The following EIF4G1 variants were observed in gnomAD, a reference collection of about 807,000 sequenced individuals.
EIF4G1 encodes the protein EIF4-gamma.
A neutral mutation model predicts 187.8 loss-of-function variants in EIF4G1; 4 were observed. The observed-to-expected ratio is 0.02, with a 90% CI of 0.01 to 0.05. EIF4G1 has a LOEUF of 0.05. Among genes scored for constraint, EIF4G1 ranks in the 10% least tolerant of loss-of-function variants. The probability of loss-of-function intolerance (pLI) is 1.00; values close to 1 mark genes in which losing one functional copy is unlikely to be tolerated. For missense variants in EIF4G1, 1,647 were observed against 2,081.1 expected, an observed-to-expected ratio of 0.79 and a Z score of 4.06; for synonymous variants, 844 against 781.4, an observed-to-expected ratio of 1.08 and a Z score of -1.34.
At position 184,334,166 on chromosome 3, in the gene EIF4G1, G is replaced by A. The variant is rs528177860; in HGVS notation, c.4619-561G>A. Among the ~76,000 whole-genome samples, 2 of 152,096 alleles carry A rather than the reference G, an allele frequency of 1.3e-5. No individual in the cohort carries two copies. The highest frequency in any genetic ancestry group is 1.9e-4 in the East Asian group (1 of 5,192). ...TAGGGGTTGAGGAGAAAGAGGGCCC[G>A]AACAGGTGATGCTTGAGTTGAGTCC... On this transcript the variant is annotated intron_variant, in intron 32 of 32. Transcript: ENST00000346169. The surrounding 1 kb of genome is among the most constrained non-coding windows in gnomAD (Gnocchi z 5.8).
rs1253502298 is a variant in EIF4G1, at chr3:184,334,703, A to C, written c.4619-24A>C. The C allele has an allele frequency of 1.9e-6, 3 of 1,613,868 alleles. No homozygotes were observed. The highest frequency in any genetic ancestry group is 2.5e-6 in the Non-Finnish European group (3 of 1,179,974). On this transcript the variant is annotated intron_variant, in intron 32 of 32. Transcript: ENST00000346169. This position sits in a 1 kb window ranked among gnomAD's most constrained non-coding sequence, Gnocchi z 5.8. ...GGGGTGGCGGTGGCCAGTCACCTCT[A>C]ACTGCTGTCCCGCCTGCTTGCAGAC...
At chr3:184,316,018 G>C in intron 3 of EIF4G1, 114 bp from the exon 4 acceptor site, 1 of 1,546,268 alleles carries the variant, frequency 6.5e-7, no homozygotes, top group Non-Finnish European at 8.7e-7. Context: ...ACGGGGAGGG[G>C]GTATGTGGAT....
At chr3:184,329,251 C>G in intron 28 of EIF4G1, 1 of 512,506 alleles carries the variant, frequency 2.0e-6, no homozygotes, top group South Asian at 2.1e-5. Context: ...ATTCATTGAA[C>G]TAGGGTTTTG....
rs909294473 is a variant in EIF4G1 at position 184,316,168 on chromosome 3, T to G, written c.97T>G (p.Phe33Val). 13 of 1,613,936 alleles carry G rather than the reference T, an allele frequency of 8.1e-6. No individual in the cohort carries two copies. The highest frequency in any genetic ancestry group is 1.1e-5 in the Non-Finnish European group (13 of 1,180,008). Reference sequence around the variant, plus strand: ...CCCGGGGCAGACAGCGCCGGTGGTGTTCAGTACGCCACAAGCGACACAAAT... The same window carrying G: ...CCCGGGGCAGACAGCGCCGGTGGTGGTCAGTACGCCACAAGCGACACAAAT... ...FPPGQTAPVV[F>V]STPQATQMNT... is the part of the protein sequence containing the mutation. The change falls in exon 4 of 33, where the codon TTC (phenylalanine) becomes GTC (valine). Residue 33 changes from phenylalanine to valine, a missense_variant. Physicochemically the swap from Phe to Val is conservative, Grantham distance 50 (BLOSUM62 -1). Around this residue, in one of 11 missense-constraint regions of EIF4G1, gnomAD observed 61 missense variants for 49.5 expected, o/e 1.23. Transcript: ENST00000346169.
At chr3:184,328,072 T>C (rs941088974) in intron 26 of EIF4G1, 70 bp downstream of exon 26, 41 of 1,561,560 alleles carry the variant, frequency 2.6e-5, no homozygotes, top group Admixed American at 8.3e-5. Flanking sequence ...TTGGGACCCT[T>C]GGAACCTTGC....
rs1025341190 is a variant in EIF4G1 at position 184,322,927 on chromosome 3, A to G, written c.1902A>G (p.Pro634=). The change falls in exon 13 of 33, where the codon CCA becomes CCG. Residue 634 remains proline, a synonymous_variant. Coordinates refer to ENST00000346169, the MANE Select transcript of EIF4G1 (RefSeq NM_198241.3). ...GTATGCAGAAGCCAGAGGGATTGCC[A>G]CATATCAGTGACGTGGTGCTGGACA... ...FASMQKPEGL[P]HISDVVLDKA... 4 of 1,614,082 alleles carry G rather than the reference A, an allele frequency of 2.5e-6. No individual in the cohort carries two copies. In the African/African-American group the frequency reaches 5.3e-5, roughly 22 times the overall value.
At position 184,328,010 on chromosome 3, in the gene EIF4G1, C is replaced by T. The variant is rs752949844; in HGVS notation, c.3953+8C>T. On this transcript the variant is annotated splice_region_variant and intron_variant, in intron 26 of 32. Coordinates refer to ENST00000346169, the MANE Select transcript of EIF4G1 (RefSeq NM_198241.3). ...TGCTCAGTACTACCAAGGGTATGACCAGCTTCTCTGGGCCTCCCACTTATA... is the reference window on the plus strand; with the variant it reads ...TGCTCAGTACTACCAAGGGTATGACTAGCTTCTCTGGGCCTCCCACTTATA... 8.9e-5 allele frequency: 142 copies of T among 1,603,618 alleles called. 1 individual carries two copies. The highest frequency in any genetic ancestry group is 1.1e-4 in the Non-Finnish European group (124 of 1,179,966).
intron 32 of EIF4G1, among the ~76,000 whole-genome samples, chr3:184,333,271 T>C (rs1217806134): frequency 6.6e-6 from 1 of 152,064 alleles, no homozygotes; most frequent in Non-Finnish European, 1.5e-5. Context: ...TCAAGTTGAG[T>C]TGTGGTCCTT....
At position 184,323,335 on chromosome 3, in the gene EIF4G1, C is replaced by T. The variant is rs577707848; in HGVS notation, c.2089-73C>T. 9.9e-6 allele frequency: 16 copies of T among 1,610,860 alleles called. No individual in the cohort carries two copies. The highest frequency in any genetic ancestry group is 3.3e-5 in the South Asian group (3 of 90,878). ...CGCGGGGAGGGGTTTGCCCTGGAGG[C>T]GTGTAGTAGTGGTGTCACATATTGT... On this transcript the variant is annotated intron_variant, in intron 14 of 32. Coordinates refer to ENST00000346169, the MANE Select transcript of EIF4G1 (RefSeq NM_198241.3). The surrounding 1 kb of genome is among the most constrained non-coding windows in gnomAD (Gnocchi z 6.9).
chr3:184,321,175 A>G (rs974022349), intron 9 of EIF4G1, 107 bp from the exon 10 acceptor site: 1 of 1,526,720 alleles, frequency 6.5e-7, no homozygotes, highest in African/African-American at 1.4e-5. Context: ...TGGGGAGAAG[A>G]TGATGCGGGG....
At chr3:184,327,085 G>C (rs1725074101) in intron 23 of EIF4G1, 102 bp downstream of exon 23, 1 of 1,576,150 alleles carries the variant, frequency 6.3e-7, no homozygotes, top group South Asian at 1.1e-5. Flanking sequence ...GTCCTGGTTG[G>C]AGCCCTTGGG....
chr3:184,321,094 G>A, intron 9 of EIF4G1, 101 bp downstream of exon 9: 1 of 1,515,212 alleles, frequency 6.6e-7, no homozygotes. Context: ...AGAGAATGAT[G>A]ACTTAGATTT....
Position 184,322,832 on chromosome 3 carries a change from C to T in EIF4G1, c.1807C>T (p.Pro603Ser). ...TGTTTTCCTTGCAGATCAGTGGAAGCCTCTAAACCTAGAGGAGAAAAAACG... is the reference window on the plus strand; with the variant it reads ...TGTTTTCCTTGCAGATCAGTGGAAGTCTCTAAACCTAGAGGAGAAAAAACG... Reference protein sequence around the residue: ...KYEYKSDQWKPLNLEEKKRYD... With the variant: ...KYEYKSDQWKSLNLEEKKRYD... The change falls in exon 13 of 33, where the codon CCT becomes TCT. Residue 603 changes from proline (P) to serine (S), a missense_variant. Transcript: ENST00000346169. 6.2e-7 allele frequency: 1 copy of T among 1,614,176 alleles called. No individual in the cohort carries two copies. The highest frequency in any genetic ancestry group is 8.5e-7 in the Non-Finnish European group (1 of 1,180,040).
rs1726856577 is a variant in EIF4G1 at position 184,334,983 on chromosome 3, G to A, written c.*75G>A. 2.5e-6 allele frequency: 4 copies of A among 1,583,086 alleles called. No homozygotes were observed. On this transcript the variant is annotated 3_prime_UTR_variant, in exon 33 of 33. Coordinates refer to ENST00000346169, the MANE Select transcript of EIF4G1 (RefSeq NM_198241.3). This position sits in a 1 kb window ranked among gnomAD's most constrained non-coding sequence, Gnocchi z 5.8. The stretch of plus-strand genomic sequence containing the variant: ...GGCTAGCCGCCTGGACTGCAGGGGG[G>A]CGGCAGCAGCGGCGGTGGCAGTGGG...
At chr3:184,316,011 G>T in intron 3 of EIF4G1, 121 bp from the exon 4 acceptor site, 1 of 1,538,662 alleles carries the variant, frequency 6.5e-7, no homozygotes, top group Non-Finnish European at 8.8e-7. Context: ...GGCTGTCACG[G>T]GGAGGGGGTA....
chr3:184,328,163 T>C, intron 26 of EIF4G1, 161 bp downstream of exon 26: 1 of 785,716 alleles, frequency 1.3e-6, no homozygotes, highest in Non-Finnish European at 2.1e-6. Flanking sequence ...GTGGGTTGGA[T>C]TCCTTAGAGG....
chr3:184,329,398 C>T (rs1163228161), intron 28 of EIF4G1, among the ~76,000 whole-genome samples: 5 of 152,098 alleles, frequency 3.3e-5, no homozygotes, highest in African/African-American at 7.3e-5. Context: ...TTTGAGAGGC[C>T]GACGTGGGTG....
At chr3:184,331,105 G>A (rs1726009270) in intron 28 of EIF4G1, among the ~76,000 whole-genome samples, 161 bp from the exon 29 acceptor site, 2 of 152,218 alleles carry the variant, frequency 1.3e-5, no homozygotes. Context: ...CAGACCGTAG[G>A]AATGGAAGGG....
intron 6 of EIF4G1, among the ~76,000 whole-genome samples, chr3:184,318,054 G>A (rs1160709807): frequency 4.6e-5 from 7 of 152,182 alleles, no homozygotes; most frequent in Admixed American, 3.9e-4. Flanking sequence ...GTAGGATCAG[G>A]CACCAGCCTG....
Sources: gnomAD v4.1 joint callset for allele counts (sites outside exome capture counted in the v4.1 genomes callset) on GRCh38, gnomAD v4.1.1 for gene constraint, gnomAD v4.1.1 regional missense constraint, Gnocchi (gnomAD v3.1) non-coding constraint, MANE v1.5 for transcripts, NCBI Gene and HGNC (gene_info 2026-07-23, HGNC 2026-07-21) for gene names.